FARS2: variants seen among roughly 807,000 people sequenced by gnomAD.
FARS2 encodes phenylalanine--tRNA ligase, mitochondrial.
Under a neutral mutation model 46.4 loss-of-function variants are expected in FARS2, and 40 were observed. The observed-to-expected ratio is 0.86, with a 90% CI of 0.67 to 1.12. The LOEUF is 1.12. Ranked by LOEUF, FARS2 falls within the 50% of genes most tolerant of loss-of-function variation. The probability of loss-of-function intolerance (pLI) is 0.00; values close to 1 mark genes in which losing one functional copy is unlikely to be tolerated. For missense variants in FARS2, 513 were observed against 567.9 expected (o/e 0.90, Z 0.98); for synonymous variants, 234 against 214.9 (o/e 1.09, Z -0.78).
At chr6:5,541,427 A>C (rs1298480915) in intron 4 of FARS2, among the ~76,000 whole-genome samples, 1 of 152,192 alleles carries the variant, frequency 6.6e-6, no homozygotes. Flanking sequence ...CACAATCAAG[A>C]TAGAGAAAAT....
rs114366895 is a variant in FARS2 at position 5,594,214 on chromosome 6, G to A, written c.1066-18955G>A. On this transcript the variant is annotated intron_variant, in intron 5 of 6. Transcript: ENST00000274680. ...TTGTTGAGTATCACAAGAGGAGAGG[G>A]AGCTGGTACCTTTGAAGTTCCCCTC... Among the ~76,000 whole-genome samples the A allele has an allele frequency of 9.7e-3, 1,476 of 152,292 alleles. 18 individuals carry two copies. The highest frequency in any genetic ancestry group is 0.032 in the African/African-American group (1,343 of 41,558).
rs1239228732 is a variant in FARS2 at position 5,764,009 on chromosome 6, C to T, written c.1218-7282C>T. 2.0e-5 allele frequency among the ~76,000 whole-genome samples: 3 copies of T among 152,008 alleles called. No individual in the cohort carries two copies. In the East Asian group the frequency reaches 5.8e-4, roughly 29 times the overall value. ...CACAGGAAATACAAGTCCCTCACCC[C>T]CACAGCCTCATTACACTCTCCAATA... On this transcript the variant is annotated intron_variant, in intron 6 of 6. Transcript: ENST00000274680. The surrounding 1 kb of genome is among the most constrained non-coding windows in gnomAD (Gnocchi z 4.1).
chr6:5,400,243 G>T (rs964797903), intron 2 of FARS2, among the ~76,000 whole-genome samples: 12 of 151,922 alleles, frequency 7.9e-5, no homozygotes. Flanking sequence ...ATGTGTTCAG[G>T]GGTCATTTTC....
chr6:5,251,325 A>G, the FARS2 span, among the ~76,000 whole-genome samples: 2 of 151,930 alleles, frequency 1.3e-5, no homozygotes, highest in Admixed American at 6.5e-5. Flanking sequence ...TATTCATATT[A>G]GGGTGGTATT....
chr6:5,726,247 G>A (rs1417023173), intron 6 of FARS2, among the ~76,000 whole-genome samples: 1 of 151,992 alleles, frequency 6.6e-6, no homozygotes, highest in African/African-American at 2.4e-5. Context: ...ACGTGTGCAT[G>A]TTTGAGGCCA....
chr6:5,380,730 T>G (rs1279977907), intron 2 of FARS2, among the ~76,000 whole-genome samples: 1 of 152,338 alleles, frequency 6.6e-6, no homozygotes, highest in East Asian at 1.9e-4. Context: ...GGTACTTTCA[T>G]TGTCTTCGCT....
intron 2 of FARS2, among the ~76,000 whole-genome samples, chr6:5,398,427 G>T (rs1761035545): frequency 6.6e-6 from 1 of 152,000 alleles, no homozygotes; most frequent in African/African-American, 2.4e-5. Context: ...ATTTACCCAG[G>T]TTTGGTCTTT....
chr6:5,715,909 C>T (rs1031368444), intron 6 of FARS2, among the ~76,000 whole-genome samples: 1 of 152,218 alleles, frequency 6.6e-6, no homozygotes, highest in African/African-American at 2.4e-5. Flanking sequence ...AAAGTGGCCA[C>T]ACTGTTGTAT....
intron 5 of FARS2, among the ~76,000 whole-genome samples, chr6:5,610,796 G>T (rs6926488): frequency 0.037 from 5,629 of 152,302 alleles, 312 homozygotes; most frequent in African/African-American, 0.12. Flanking sequence ...GTTATCAAGT[G>T]CCCACCAGGT....
intron 6 of FARS2, among the ~76,000 whole-genome samples, chr6:5,743,175 C>G (rs575651049): frequency 9.9e-5 from 15 of 152,188 alleles, no homozygotes; most frequent in South Asian, 4.1e-4. Flanking sequence ...ATGCCAATAT[C>G]TGATTAAATG....
intron 1 of FARS2, among the ~76,000 whole-genome samples, chr6:5,265,500 T>G (rs1765490626): frequency 6.6e-6 from 1 of 152,222 alleles, no homozygotes; most frequent in South Asian, 2.1e-4. Flanking sequence ...ATGGAGATTA[T>G]TTATTCAGGT....
At chr6:5,336,705 C>A (rs1771185310) in intron 1 of FARS2, among the ~76,000 whole-genome samples, 1 of 152,062 alleles carries the variant, frequency 6.6e-6, no homozygotes, top group African/African-American at 2.4e-5. Context: ...ACTATATTCA[C>A]CCTATTGTGC....
intron 4 of FARS2, among the ~76,000 whole-genome samples, chr6:5,481,321 G>A: frequency 6.6e-6 from 1 of 152,214 alleles, no homozygotes; most frequent in East Asian, 1.9e-4. Context: ...GCACTGCAAA[G>A]CTTTTAGCCA....
At chr6:5,261,056 G>T, upstream of FARS2, 2 of 759,876 alleles carry the variant, frequency 2.6e-6, no homozygotes, top group Non-Finnish European at 3.3e-6. Context: ...GCGGCGGGAG[G>T]GCGGGGAAAT....
At chr6:5,252,155 G>A in the FARS2 span, among the ~76,000 whole-genome samples, 3 of 152,166 alleles carry the variant, frequency 2.0e-5, no homozygotes, top group Non-Finnish European at 4.4e-5. Context: ...CACCTATAAG[G>A]AGGAACTGTG....
At chr6:5,729,196 A>G (rs528614876) in intron 6 of FARS2, among the ~76,000 whole-genome samples, 1 of 152,324 alleles carries the variant, frequency 6.6e-6, no homozygotes, top group South Asian at 2.1e-4. Flanking sequence ...GGCCCTGGGC[A>G]GCTGGTGTTT....
At chr6:5,328,166 A>G (rs1457860849) in intron 1 of FARS2, among the ~76,000 whole-genome samples, 1 of 152,140 alleles carries the variant, frequency 6.6e-6, no homozygotes, top group Non-Finnish European at 1.5e-5. Context: ...TCATTTATTC[A>G]TTTAGAATCT....
intron 4 of FARS2, among the ~76,000 whole-genome samples, chr6:5,509,928 C>T (rs60847453): frequency 0.013 from 1,939 of 152,292 alleles, 42 homozygotes; most frequent in African/African-American, 0.045. Context: ...CATTATGTCG[C>T]CCAATTTTGT....
chr6:5,378,195 A>G (rs561617772), intron 2 of FARS2, among the ~76,000 whole-genome samples: 1 of 151,952 alleles, frequency 6.6e-6, no homozygotes, highest in Non-Finnish European at 1.5e-5. Flanking sequence ...CCATTTCCTC[A>G]TGGAGGGATT....
Sources: gnomAD v4.1 joint callset for allele counts (sites outside exome capture counted in the v4.1 genomes callset) on GRCh38, gnomAD v4.1.1 for gene constraint, Gnocchi (gnomAD v3.1) non-coding constraint, MANE v1.5 for transcripts, NCBI Gene and HGNC (gene_info 2026-07-23, HGNC 2026-07-21) for gene names.